TUB: variants seen among roughly 807,000 people sequenced by gnomAD.
TUB encodes the protein tubby protein homolog.
A neutral mutation model predicts 59.7 loss-of-function variants in TUB; 33 were observed. That is an observed-to-expected ratio of 0.55 (90% CI 0.42 to 0.74). TUB has a LOEUF of 0.74. Among genes scored for constraint, TUB ranks in the 30% least tolerant of loss-of-function variants. The probability of loss-of-function intolerance (pLI) is 0.00; values close to 1 mark genes in which losing one functional copy is unlikely to be tolerated. For synonymous variants in TUB, 293 were observed against 256.4 expected (o/e 1.14, Z -1.36); for missense variants, 659 against 672.0 (o/e 0.98, Z 0.21).
intron 2 of TUB, among the ~76,000 whole-genome samples, chr11:8,062,918 C>T (rs1342176198): frequency 6.6e-6 from 1 of 152,214 alleles, no homozygotes; most frequent in Non-Finnish European, 1.5e-5. Context: ...GTCATCTGCA[C>T]TCTCGTGGGA....
At position 8,094,152 on chromosome 11, in the gene TUB, T is replaced by C. The variant is rs4758289; in HGVS notation, c.360T>C (p.Gly120=). 0.32 allele frequency: 512,402 copies of C among 1,613,602 alleles called. 84,851 individuals carry two copies. Among genetic ancestry groups the C allele is most frequent in the East Asian group, 0.51 (23,079 of 44,854 alleles). ...TKAAATAGGQ[G]GAARKEKKGK... ...CGGCAGCTACAGCAGGGGGCCAGGG[T>C]GGCGCCGCTAGGAAGGAGAAGAAGG... The change falls in exon 4 of 12, where the codon GGT becomes GGC. Residue 120 remains glycine (G), a synonymous_variant. Transcript: ENST00000299506.
intron 2 of TUB, among the ~76,000 whole-genome samples, chr11:8,071,822 C>T (rs754792138): frequency 2.6e-5 from 4 of 152,242 alleles, no homozygotes; most frequent in Non-Finnish European, 5.9e-5. Context: ...CCCGAGGCCC[C>T]TCCCACTGGG....
At chr11:8,021,592 C>A (rs975579518) in intron 1 of TUB, among the ~76,000 whole-genome samples, 6 of 152,038 alleles carry the variant, frequency 3.9e-5, no homozygotes, top group African/African-American at 1.4e-4. Flanking sequence ...GTAAACGTTT[C>A]TGGAACTCTA....
At chr11:8,019,251 A>C (rs1942381210) in exon 1 of TUB, 2 of 1,237,782 alleles carry the variant, frequency 1.6e-6, no homozygotes, top group South Asian at 7.5e-5. Flanking sequence ...AGCCAGCCCC[A>C]AGCCCAGCGC....
intron 1 of TUB, among the ~76,000 whole-genome samples, chr11:8,039,325 C>T (rs1039755953): frequency 2.0e-5 from 3 of 152,182 alleles, no homozygotes; most frequent in Admixed American, 6.5e-5. Context: ...CTCCACACTC[C>T]GGCCCTCTGC....
At chr11:8,094,990 C>T (rs986963122) in intron 4 of TUB, among the ~76,000 whole-genome samples, 1 of 152,218 alleles carries the variant, frequency 6.6e-6, no homozygotes, top group Non-Finnish European at 1.5e-5. Flanking sequence ...ATGGGAGATG[C>T]TCCATTTGGG....
intron 3 of TUB, among the ~76,000 whole-genome samples, chr11:8,090,964 C>G (rs561847729): frequency 2.0e-5 from 3 of 152,228 alleles, no homozygotes; most frequent in African/African-American, 7.2e-5. Context: ...TCCACTGCCC[C>G]CTGCTGGTGC....
chr11:8,053,665 G>T (rs1270158672), intron 2 of TUB, among the ~76,000 whole-genome samples: 1 of 151,096 alleles, frequency 6.6e-6, no homozygotes, highest in African/African-American at 2.4e-5. Flanking sequence ...GACGCCCGGC[G>T]AATTTTTTTG....
chr11:8,097,868 G>A, intron 8 of TUB, 42 bp downstream of exon 8: 1 of 1,488,678 alleles, frequency 6.7e-7, no homozygotes, highest in Non-Finnish European at 9.3e-7. Context: ...GTGGGAGGGA[G>A]GGGCAGGGGC....
rs1160076195 is a variant in TUB at position 8,103,091 on chromosome 11, G to A, written c.*1472G>A. On this transcript the variant is annotated 3_prime_UTR_variant, in exon 12 of 12. Transcript: ENST00000299506. ...ATTGGCCTGTGTCTGGCCCCTCCGC[G>A]AGGGCTACTCAGCAGTAAGCAGGCC... 2.6e-5 allele frequency: 4 copies of A among 152,208 alleles called. No individual in the cohort carries two copies. Among genetic ancestry groups the A allele is most frequent in the African/African-American group, 7.2e-5 (3 of 41,432 alleles). 9.4% of individuals were successfully genotyped at this position (152,208 alleles called of 1,614,324 possible).
intron 2 of TUB, among the ~76,000 whole-genome samples, chr11:8,043,007 G>A (rs1257038770): frequency 1.3e-5 from 2 of 152,144 alleles, no homozygotes; most frequent in Non-Finnish European, 2.9e-5. Flanking sequence ...GTAAGAAACT[G>A]TAGGATTTTT....
At chr11:8,020,591 A>G (rs1474456383) in intron 1 of TUB, among the ~76,000 whole-genome samples, 1 of 152,180 alleles carries the variant, frequency 6.6e-6, no homozygotes, top group Non-Finnish European at 1.5e-5. Flanking sequence ...GATGGGCGCA[A>G]CTGATCCACG....
chr11:8,096,634 G>A (rs753813683), intron 5 of TUB, 51 bp from the exon 6 acceptor site: 1 of 1,224,830 alleles, frequency 8.2e-7, no homozygotes, highest in South Asian at 1.2e-5. Context: ...TATTTCAGGG[G>A]CAGCGTAGAC....
intron 1 of TUB, among the ~76,000 whole-genome samples, chr11:8,039,225 C>T (rs907283570): frequency 3.3e-5 from 5 of 152,140 alleles, no homozygotes; most frequent in African/African-American, 9.7e-5. Context: ...ATCAGGGAGG[C>T]TTCATTACTC....
At chr11:8,077,766 A>C (rs1169862229), upstream of TUB, 1 of 152,112 alleles carries the variant, frequency 6.6e-6, no homozygotes, top group Non-Finnish European at 1.5e-5. Context: ...CAACACCTTA[A>C]TGTAGGGTAC....
intron 1 of TUB, among the ~76,000 whole-genome samples, chr11:8,025,227 G>A (rs1942484848): frequency 6.6e-6 from 1 of 152,210 alleles, no homozygotes; most frequent in Non-Finnish European, 1.5e-5. Context: ...GTCTGGAGGA[G>A]AGAGTCTGAC....
intron 2 of TUB, among the ~76,000 whole-genome samples, chr11:8,065,456 T>C (rs1395398070): frequency 1.3e-5 from 2 of 152,242 alleles, no homozygotes; most frequent in Non-Finnish European, 2.9e-5. Flanking sequence ...TGACCTCAGT[T>C]CTTGAGCCTC....
At chr11:8,072,310 T>G (rs1943375520) in intron 2 of TUB, among the ~76,000 whole-genome samples, 1 of 151,930 alleles carries the variant, frequency 6.6e-6, no homozygotes, top group Non-Finnish European at 1.5e-5. Flanking sequence ...AGGGACCCTC[T>G]CCCTTCCTTC....
intron 1 of TUB, among the ~76,000 whole-genome samples, chr11:8,086,565 A>C (rs1943670231): frequency 6.6e-6 from 1 of 152,100 alleles, no homozygotes; most frequent in African/African-American, 2.4e-5. Context: ...CACCTGGTAC[A>C]AGCTTGTCAC....
Sources: gnomAD v4.1 joint callset for allele counts (sites outside exome capture counted in the v4.1 genomes callset) on GRCh38, gnomAD v4.1.1 for gene constraint, MANE v1.5 for transcripts, NCBI Gene and HGNC (gene_info 2026-07-23, HGNC 2026-07-21) for gene names.